Variants in ZNF837 observed in about 807,000 individuals in gnomAD.
ZNF837 encodes the protein zinc finger protein 837.
For synonymous variants in ZNF837, 475 were observed against 365.2 expected (o/e 1.30, Z -3.43); for missense variants, 955 against 801.7 (o/e 1.19, Z -2.31).
chr19:58,368,136 G>C lies in ZNF837; in HGVS notation c.1197C>G (p.Ala399=), dbSNP rs548010688. Residue 399 remains alanine, a synonymous_variant, in exon 3 of 3, where the codon GCC becomes GCG. Coordinates refer to ENST00000597582, the MANE Select transcript of ZNF837 (RefSeq NM_138466.2). The part of the protein sequence containing the change: ...KPYACPECGK[A]FNQRSNLSRH... Reference sequence around the variant, plus strand: ...GGCTCAGGTTCGAGCGCTGGTTGAAGGCCTTGCCGCACTCGGGGCACGCGT... The same window carrying C: ...GGCTCAGGTTCGAGCGCTGGTTGAACGCCTTGCCGCACTCGGGGCACGCGT... The C allele has an allele frequency of 3.8e-6, 6 of 1,587,596 alleles. No individual in the cohort carries two copies. The East Asian group carries it at 1.4e-4, about 36-fold the overall frequency.
rs1168448597 is a variant in ZNF837 at position 58,368,075 on chromosome 19, C to T, written c.1258G>A (p.Ala420Thr). 45 of 1,548,420 alleles carry T rather than the reference C, an allele frequency of 2.9e-5. No homozygotes were observed. Among genetic ancestry groups the T allele is most frequent in the Non-Finnish European group, 3.8e-5 (44 of 1,150,270 alleles). The change falls in exon 3 of 3, where the codon GCG becomes ACG. Residue 420 changes from alanine (A) to threonine (T), a missense_variant. Physicochemically the swap from Ala to Thr is moderately conservative, Grantham distance 58. Coordinates refer to ENST00000597582, the MANE Select transcript of ZNF837 (RefSeq NM_138466.2). ...AAGGCCTTTTCGCACAGTGGGCACG[C>T]GTAGGGCTTGGCGCTGCTGTGAGTG... is the stretch of plus-strand genomic sequence containing the variant. ...QRTHSSAKPY[A>T]CPLCEKAFKG... is the part of the protein sequence containing the mutation.
At chr19:58,371,358 G>A (rs1393777432) in intron 1 of ZNF837, among the ~76,000 whole-genome samples, 1 of 150,816 alleles carries the variant, frequency 6.6e-6, no homozygotes, top group Non-Finnish European at 1.5e-5. Context: ...CAGTAAGCTG[G>A]GATTGGGCCA....
chr19:58,369,549 A>G (rs2052181317), intron 2 of ZNF837, among the ~76,000 whole-genome samples, 188 bp from the exon 3 acceptor site: 1 of 151,742 alleles, frequency 6.6e-6, no homozygotes, highest in Non-Finnish European at 1.5e-5. Flanking sequence ...CACCACCCAG[A>G]CCCCAGAGAA....
rs1017908506 is a variant in ZNF837 at position 58,369,055 on chromosome 19, C to T, written c.278G>A (p.Gly93Asp). Reference sequence around the variant, plus strand: ...CTCAGGGTTCTGAGAAGAGGTGGGGCCGCACGGCTCCCGCACGAGGGGTCT... The same window carrying T: ...CTCAGGGTTCTGAGAAGAGGTGGGGTCGCACGGCTCCCGCACGAGGGGTCT... ...GTRPLVREPC[G>D]PTSSQNPELV... The change falls in exon 3 of 3, where the codon GGC (glycine) becomes GAC (aspartate). Residue 93 changes from glycine to aspartate, a missense_variant. Coordinates refer to ENST00000597582, the MANE Select transcript of ZNF837 (RefSeq NM_138466.2). 4 of 1,517,624 alleles carry T rather than the reference C, an allele frequency of 2.6e-6. No individual in the cohort carries two copies. The highest frequency in any genetic ancestry group is 2.7e-6 in the Non-Finnish European group (3 of 1,131,928). The allele number at this position is 1,517,624 out of a possible 1,614,324, so 94.0% of individuals were successfully genotyped here.
intron 1 of ZNF837, among the ~76,000 whole-genome samples, chr19:58,380,589 G>A (rs2052281849): frequency 6.6e-6 from 1 of 152,250 alleles, no homozygotes; most frequent in Admixed American, 6.5e-5. Context: ...GGCAGAGACG[G>A]TAGGGAGGCC....
In ZNF837 at chr19:58,367,632, T is replaced by C; in HGVS notation, c.*105A>G. 2 of 1,382,052 alleles carry C rather than the reference T, an allele frequency of 1.4e-6. No individual in the cohort carries two copies. Among genetic ancestry groups the C allele is most frequent in the South Asian group, 1.5e-5 (1 of 66,046 alleles). The allele number at this position is 1,382,052 out of a possible 1,614,324, so 85.6% of individuals were successfully genotyped here. A position where few individuals can be genotyped will look rare whatever the true frequency, so the allele number is the denominator to read the frequency against. On this transcript the variant is annotated 3_prime_UTR_variant, in exon 3 of 3. Transcript: ENST00000597582. ...GCCTGTGGACGCCATGTGTACAAAG[T>C]GAAGTTTAATCAAAGTTACAAACGT...
intron 1 of ZNF837, among the ~76,000 whole-genome samples, chr19:58,380,672 A>G (rs1335281613): frequency 2.0e-5 from 3 of 152,106 alleles, no homozygotes; most frequent in Admixed American, 6.5e-5. Flanking sequence ...CCGGGCCTGG[A>G]GCCTCCCCTC....
At chr19:58,373,838 T>G (rs1196927061) in intron 1 of ZNF837, among the ~76,000 whole-genome samples, 1 of 152,184 alleles carries the variant, frequency 6.6e-6, no homozygotes, top group Admixed American at 6.5e-5. Context: ...AGGGAAGCTT[T>G]CTCCAGAATG....
In ZNF837 at chr19:58,369,005, C is replaced by T; in HGVS notation, c.328G>A (p.Ala110Thr). ...PELVIPEGLQ[A>T]REGPCRSPAR... is the part of the protein sequence containing the mutation. ...GGGCTCCTACAGGGGCCCTCCCGGG[C>T]TTGCAGCCCCTCGGGGATAACCAGC... The change falls in exon 3 of 3, where the codon GCC becomes ACC. Residue 110 changes from alanine to threonine, a missense_variant. Physicochemically the swap from Ala to Thr is moderately conservative, Grantham distance 58. Transcript: ENST00000597582. 2 of 1,516,418 alleles carry T rather than the reference C, an allele frequency of 1.3e-6. No homozygotes were observed. Among genetic ancestry groups the T allele is most frequent in the South Asian group, 2.5e-5 (2 of 79,554 alleles). The allele number at this position is 1,516,418 out of a possible 1,614,324, so 93.9% of individuals were successfully genotyped here. A position where few individuals can be genotyped will look rare whatever the true frequency, so the allele number is the denominator to read the frequency against.
chr19:58,373,208 T>G (rs1054739523), intron 1 of ZNF837, among the ~76,000 whole-genome samples: 1 of 152,156 alleles, frequency 6.6e-6, no homozygotes, highest in African/African-American at 2.4e-5. Flanking sequence ...CGCCGATCCT[T>G]CCTCGATCTC....
At chr19:58,374,755 G>A (rs540149157) in intron 1 of ZNF837, among the ~76,000 whole-genome samples, 2 of 152,098 alleles carry the variant, frequency 1.3e-5, no homozygotes, top group East Asian at 1.9e-4. Context: ...CCAAAATGTC[G>A]AAACCCCATC....
intron 1 of ZNF837, among the ~76,000 whole-genome samples, chr19:58,379,688 C>G (rs1568569836): frequency 6.6e-6 from 1 of 152,168 alleles, no homozygotes; most frequent in Admixed American, 6.5e-5. Flanking sequence ...TGCAGAGTTA[C>G]CAATTTAGGG....
At chr19:58,379,843 G>A (rs1027826246) in intron 1 of ZNF837, among the ~76,000 whole-genome samples, 11 of 152,170 alleles carry the variant, frequency 7.2e-5, no homozygotes, top group Non-Finnish European at 1.3e-4. Flanking sequence ...AATGTGCAGG[G>A]AAGTCGCCAG....
chr19:58,374,685 C>G (rs2052227047), intron 1 of ZNF837, among the ~76,000 whole-genome samples: 1 of 152,032 alleles, frequency 6.6e-6, no homozygotes, highest in Admixed American at 6.6e-5. Flanking sequence ...ACTTGTAATC[C>G]CCGCACTTTG....
In ZNF837 at chr19:58,368,179, T is replaced by G; in HGVS notation, c.1154A>C (p.His385Pro). The change falls in exon 3 of 3, where the codon CAC becomes CCC. Residue 385 changes from histidine to proline, a missense_variant. His to Pro is a moderately conservative substitution (Grantham distance 77, BLOSUM62 -2). Coordinates refer to ENST00000597582, the MANE Select transcript of ZNF837 (RefSeq NM_138466.2). ...FSHLVEHRRV[H>P]TGEKPYACPE... ...GCACGCGTAGGGCTTCTCGCCGGTGTGCACGCGCCGGTGCTCCACGAGGTG... is the reference window on the plus strand; with the variant it reads ...GCACGCGTAGGGCTTCTCGCCGGTGGGCACGCGCCGGTGCTCCACGAGGTG... 6.3e-7 allele frequency: 1 copy of G among 1,582,092 alleles called. No individual in the cohort carries two copies. The highest frequency in any genetic ancestry group is 2.3e-5 in the East Asian group (1 of 43,348).
rs2052172241 is a variant in ZNF837, at chr19:58,368,923, G to A, written c.410C>T (p.Pro137Leu). 2 of 1,546,696 alleles carry A rather than the reference G, an allele frequency of 1.3e-6. No homozygotes were observed. The highest frequency in any genetic ancestry group is 2.4e-5 in the South Asian group (2 of 83,948). ...NSCLAWHRGA[P>L]AGETPPVCDP... ...ACACACGGGTGGCGTCTCCCCAGCG[G>A]GCGCCCCGCGATGCCACGCCAGGCA... Residue 137 changes from proline (P) to leucine (L), a missense_variant, in exon 3 of 3, where the codon CCC becomes CTC. Coordinates refer to ENST00000597582, the MANE Select transcript of ZNF837 (RefSeq NM_138466.2).
At position 58,367,812 on chromosome 19, in the gene ZNF837, A is replaced by G. The variant is rs1230866798; in HGVS notation, c.1521T>C (p.Asp507=). The change falls in exon 3 of 3, where the codon GAT becomes GAC. Residue 507 remains aspartate, a synonymous_variant. Transcript: ENST00000597582. ...HTGERPYACG[D]CGRAFSQRSN... ...AGCGTTGGCTGAAGGCGCGGCCGCA[A>G]TCTCCGCACGCGTAGGGCCGCTCGC... The G allele has an allele frequency of 2.0e-6, 3 of 1,536,358 alleles. No individual in the cohort carries two copies. Among genetic ancestry groups the G allele is most frequent in the East Asian group, 4.9e-5 (2 of 40,832 alleles).
chr19:58,377,002 G>A (rs2052253911), intron 1 of ZNF837, among the ~76,000 whole-genome samples: 1 of 152,056 alleles, frequency 6.6e-6, no homozygotes, highest in Non-Finnish European at 1.5e-5. Context: ...TGGATCACGA[G>A]GTCAGGAGAT....
rs577273433 is a variant in ZNF837, at chr19:58,368,537, G to A, written c.796C>T (p.Pro266Ser). The A allele has an allele frequency of 3.0e-5, 46 of 1,541,188 alleles. 1 individual carries two copies. The African/African-American group carries it at 5.6e-4, about 19-fold the overall frequency. The stretch of plus-strand genomic sequence containing the variant: ...TCGCAAGCGTACAGTCGCTGGGCCG[G>A]GGGGTCGGGGACAATAGGGCGAGGT... ...SRPRPIVPDP[P>S]AQRLYACDEC... The change falls in exon 3 of 3, where the codon CCG (proline) becomes TCG (serine). Residue 266 changes from proline (P) to serine (S), a missense_variant. Pro to Ser is a moderately conservative substitution (Grantham distance 74). Coordinates refer to ENST00000597582, the MANE Select transcript of ZNF837 (RefSeq NM_138466.2).
Sources: allele counts gnomAD v4.1 joint callset (sites outside exome capture counted in the v4.1 genomes callset), GRCh38; gene constraint gnomAD v4.1.1; transcripts MANE v1.5; gene names NCBI Gene and HGNC (gene_info 2026-07-23, HGNC 2026-07-21).